C8orf34: variants seen among roughly 807,000 people sequenced by gnomAD.
C8orf34 encodes the protein chromosome 8 open reading frame 34, also known as uncharacterized protein C8orf34.
A neutral mutation model predicts 68.3 loss-of-function variants in C8orf34; 65 were observed. That is an observed-to-expected ratio of 0.95 (90% confidence interval 0.78 to 1.17). C8orf34 has a LOEUF of 1.17. Ranked by LOEUF, C8orf34 falls within the 50% of genes most tolerant of loss-of-function variation. The pLI, the probability that C8orf34 is intolerant of heterozygous loss-of-function variation, is 0.00. For synonymous variants in C8orf34, 244 were observed against 241.2 expected, an observed-to-expected ratio of 1.01 and a Z score of -0.11; for missense variants, 664 against 655.4, an observed-to-expected ratio of 1.01 and a Z score of -0.14.
intron 7 of C8orf34, among the ~76,000 whole-genome samples, chr8:68,624,220 C>T (rs1049742339): frequency 6.7e-6 from 1 of 148,428 alleles, no homozygotes; most frequent in Non-Finnish European, 1.5e-5. Context: ...TGCAATGAGC[C>T]GAGATCACGC....
chr8:68,693,744 T>A (rs1820747969), intron 8 of C8orf34, among the ~76,000 whole-genome samples: 1 of 152,024 alleles, frequency 6.6e-6, no homozygotes, highest in African/African-American at 2.4e-5. Flanking sequence ...AGCACAATGG[T>A]TAAGAATTTG....
At chr8:68,338,037 T>C (rs1372701551) in intron 1 of C8orf34, among the ~76,000 whole-genome samples, 1 of 152,216 alleles carries the variant, frequency 6.6e-6, no homozygotes, top group African/African-American at 2.4e-5. Context: ...GTCAATGATG[T>C]GTTTTCTTAG....
At chr8:68,487,992 CT>C (rs759115921) in intron 4 of C8orf34, 30 bp from the exon 5 acceptor site, 23 of 1,536,044 alleles carry the variant, frequency 1.5e-5, no homozygotes, top group Admixed American at 7.5e-5. Flanking sequence ...GCTTCTAAAA[CT>C]TTTTTTTATA....
intron 7 of C8orf34, among the ~76,000 whole-genome samples, chr8:68,566,040 C>A (rs1273058569): frequency 6.6e-6 from 1 of 152,018 alleles, no homozygotes; most frequent in African/African-American, 2.4e-5. Flanking sequence ...TAAAGCCTGG[C>A]TTTTGATTAT....
intron 10 of C8orf34, among the ~76,000 whole-genome samples, chr8:68,744,966 G>A (rs893866939): frequency 7.9e-5 from 12 of 152,212 alleles, no homozygotes; most frequent in African/African-American, 2.9e-4. Flanking sequence ...AGGAAAAAAT[G>A]TTAAGGGCAG....
At chr8:68,421,868 C>T (rs1056133057) in intron 1 of C8orf34, among the ~76,000 whole-genome samples, 1 of 152,184 alleles carries the variant, frequency 6.6e-6, no homozygotes, top group Non-Finnish European at 1.5e-5. Context: ...AACTTACATT[C>T]ATGGCAGAAG....
intron 1 of C8orf34, among the ~76,000 whole-genome samples, chr8:68,384,101 C>A (rs1000548805): frequency 1.3e-5 from 2 of 152,118 alleles, no homozygotes; most frequent in Admixed American, 1.3e-4. Flanking sequence ...ACAAAATGAA[C>A]TAAAATGAAA....
At chr8:68,420,886 A>G (rs1027975478) in intron 1 of C8orf34, among the ~76,000 whole-genome samples, 18 of 151,404 alleles carry the variant, frequency 1.2e-4, no homozygotes, top group Non-Finnish European at 2.2e-4. Flanking sequence ...AAAAAAAAAA[A>G]AGAATAGAAA....
intron 1 of C8orf34, among the ~76,000 whole-genome samples, chr8:68,429,608 A>G (rs975801330): frequency 5.3e-4 from 81 of 152,218 alleles, no homozygotes; most frequent in African/African-American, 1.9e-3. Context: ...CAAGAAATGG[A>G]AATACTCAAA....
intron 9 of C8orf34, among the ~76,000 whole-genome samples, chr8:68,713,253 A>G (rs561794252): frequency 6.6e-6 from 1 of 152,166 alleles, no homozygotes; most frequent in East Asian, 1.9e-4. Context: ...CTAAGGTCAT[A>G]CCTCCTACCT....
intron 1 of C8orf34, among the ~76,000 whole-genome samples, chr8:68,415,855 T>C (rs1210598655): frequency 6.6e-6 from 1 of 152,212 alleles, no homozygotes; most frequent in African/African-American, 2.4e-5. Context: ...GTTATATACG[T>C]AGGGAGTCCT....
chr8:68,672,746 A>T (rs1272407283), intron 8 of C8orf34, among the ~76,000 whole-genome samples: 1 of 152,198 alleles, frequency 6.6e-6, no homozygotes, highest in Non-Finnish European at 1.5e-5. Flanking sequence ...GTTCAGAGGC[A>T]GTGGACTTGG....
chr8:68,494,902 CAAAA>C (rs1372299333), intron 5 of C8orf34, among the ~76,000 whole-genome samples: 2 of 150,234 alleles, frequency 1.3e-5, no homozygotes, highest in Non-Finnish European at 3.0e-5. Context: ...ATATCTCTCT[CAAAA>C]AATATATATA....
At chr8:68,518,479 C>A (rs1351237079) in intron 5 of C8orf34, among the ~76,000 whole-genome samples, 1 of 152,068 alleles carries the variant, frequency 6.6e-6, no homozygotes, top group Non-Finnish European at 1.5e-5. Context: ...TCCTCTGACC[C>A]TCCCTTTAGG....
chr8:68,684,027 G>C (rs959284207), intron 8 of C8orf34, among the ~76,000 whole-genome samples: 9 of 152,190 alleles, frequency 5.9e-5, no homozygotes, highest in Non-Finnish European at 1.0e-4. Flanking sequence ...TAAGCATTAT[G>C]TGTAACATCC....
intron 6 of C8orf34, among the ~76,000 whole-genome samples, chr8:68,523,773 A>T (rs1178993842): frequency 6.6e-6 from 1 of 152,088 alleles, no homozygotes; most frequent in African/African-American, 2.4e-5. Context: ...GTTGGAGAAA[A>T]TTTTTTAATG....
At chr8:68,743,783 G>C (rs1267577593) in intron 10 of C8orf34, among the ~76,000 whole-genome samples, 2 of 152,208 alleles carry the variant, frequency 1.3e-5, no homozygotes, top group Non-Finnish European at 2.9e-5. Flanking sequence ...AGATCAAACT[G>C]CAAGGCGGCA....
At chr8:68,648,738 T>C (rs1819254465) in intron 8 of C8orf34, among the ~76,000 whole-genome samples, 1 of 152,230 alleles carries the variant, frequency 6.6e-6, no homozygotes. Context: ...GAGAAACTTG[T>C]TCCTAAATAG....
At chr8:68,753,598 T>G (rs552400191) in intron 10 of C8orf34, among the ~76,000 whole-genome samples, 13 of 152,304 alleles carry the variant, frequency 8.5e-5, no homozygotes, top group African/African-American at 3.1e-4. Context: ...CTAGTTAATG[T>G]AGCACAGTAT....
Sources: allele counts gnomAD v4.1 joint callset (sites outside exome capture counted in the v4.1 genomes callset), GRCh38; gene constraint gnomAD v4.1.1; transcripts MANE v1.5; gene names NCBI Gene and HGNC (gene_info 2026-07-23, HGNC 2026-07-21).